The following IL1RAP variants were observed in gnomAD, a reference collection of about 807,000 sequenced individuals.
IL1RAP encodes the protein interleukin 1 receptor accessory protein, also known as interleukin-1 receptor accessory protein.
A neutral mutation model predicts 60.7 loss-of-function variants in IL1RAP; 35 were observed. That is an observed-to-expected ratio of 0.58 (90% confidence interval 0.44 to 0.76). The LOEUF is 0.76. Ranked by LOEUF, IL1RAP falls within the 30% of genes least tolerant of loss-of-function variation. The probability of loss-of-function intolerance (pLI) is 0.00; values close to 1 mark genes in which losing one functional copy is unlikely to be tolerated. For missense variants in IL1RAP, 572 were observed against 693.9 expected, an observed-to-expected ratio of 0.82 and a Z score of 1.97; for synonymous variants, 268 against 250.9, an observed-to-expected ratio of 1.07 and a Z score of -0.64.
intron 1 of IL1RAP, chr3:190,518,082 T>C (rs75088225): frequency 8.6e-6 from 1 of 115,858 alleles, no homozygotes; most frequent in Admixed American, 8.2e-5. Flanking sequence ...ATTTGCTGCC[T>C]TTTTTTTTTT....
At chr3:190,576,536 C>A (rs559879872) in intron 3 of IL1RAP, among the ~76,000 whole-genome samples, 123 of 152,144 alleles carry the variant, frequency 8.1e-4, no homozygotes, top group African/African-American at 2.7e-3. Context: ...AACCAACATG[C>A]GATGCCATTT....
In IL1RAP at chr3:190,577,184, C is replaced by CTA. The variant is rs199890265; in HGVS notation, c.64+12841_64+12842dup. The stretch of plus-strand genomic sequence containing the variant: ...TATTCATGATAAAGGGAGCTTAAAT[C>CTA]TATATATATATGTGTATATCAATAC... On this transcript the variant is annotated intron_variant, in intron 3 of 11. Coordinates refer to ENST00000447382, the MANE Select transcript of IL1RAP (RefSeq NM_002182.4). Among the ~76,000 whole-genome samples the CTA allele has an allele frequency of 9.1e-3, 1,367 of 150,182 alleles. 50 individuals are homozygous for CTA. Among genetic ancestry groups the CTA allele is most frequent in the Admixed American group, 0.066 (1,002 of 15,136 alleles).
chr3:190,605,336 A>G (rs1177954383), intron 4 of IL1RAP, among the ~76,000 whole-genome samples: 1 of 151,996 alleles, frequency 6.6e-6, no homozygotes, highest in East Asian at 1.9e-4. Flanking sequence ...TTTTGGGGAA[A>G]AAAACAAAAA....
chr3:190,517,886 T>C (rs1413552478), intron 1 of IL1RAP: 1 of 152,154 alleles, frequency 6.6e-6, no homozygotes, highest in Non-Finnish European at 1.5e-5. Context: ...TAGGATCTGG[T>C]GAGTCACTGT....
chr3:190,614,885 G>T (rs1731127939), intron 5 of IL1RAP, among the ~76,000 whole-genome samples: 1 of 152,112 alleles, frequency 6.6e-6, no homozygotes, highest in Admixed American at 6.5e-5. Context: ...ATACTGGGGT[G>T]TGGACTGGAC....
chr3:190,584,646 C>T (rs1433506456), intron 3 of IL1RAP, among the ~76,000 whole-genome samples: 1 of 152,170 alleles, frequency 6.6e-6, no homozygotes, highest in African/African-American at 2.4e-5. Flanking sequence ...ATATGTATAT[C>T]TCCTTTGGTG....
rs538598646 is a variant in IL1RAP, at chr3:190,633,288, A to G, written c.1051+3790A>G. On this transcript the variant is annotated intron_variant, in intron 9 of 11. Coordinates refer to ENST00000447382, the MANE Select transcript of IL1RAP (RefSeq NM_002182.4). Reference sequence around the variant, plus strand: ...CATTTTTTCTTTTAGATTTGAGTGTACAGGCCTTGCATATATATTGTTAAA... The same window carrying G: ...CATTTTTTCTTTTAGATTTGAGTGTGCAGGCCTTGCATATATATTGTTAAA... Among the ~76,000 whole-genome samples, 15 of 152,286 alleles carry G rather than the reference A, an allele frequency of 9.8e-5. No individual in the cohort carries two copies. The East Asian group carries it at 2.5e-3, about 25-fold the overall frequency.
In IL1RAP at chr3:190,521,224, A is replaced by T. The variant is rs1453862460; in HGVS notation, c.-89+7005A>T. 2.6e-5 allele frequency among the ~76,000 whole-genome samples: 4 copies of T among 152,324 alleles called. 1 individual carries two copies. In the East Asian group the frequency reaches 7.7e-4, roughly 29 times the overall value. On this transcript the variant is annotated intron_variant, in intron 1 of 11. Coordinates refer to ENST00000447382, the MANE Select transcript of IL1RAP (RefSeq NM_002182.4). ...AAGAAAGATCCAGGTTGAAATAATA[A>T]CAGCTTTTTTTTAATATAGAACTTT...
chr3:190,571,506 A>G (rs909879847), intron 3 of IL1RAP, among the ~76,000 whole-genome samples: 6 of 151,994 alleles, frequency 3.9e-5, no homozygotes, highest in African/African-American at 9.7e-5. Context: ...ACAGAACAAG[A>G]CCCTGTCTCT....
chr3:190,639,060 T>C (rs1733451263), intron 9 of IL1RAP, among the ~76,000 whole-genome samples: 1 of 152,200 alleles, frequency 6.6e-6, no homozygotes, highest in African/African-American at 2.4e-5. Context: ...ACCTTTTCTT[T>C]ATTGATTTTG....
At chr3:190,572,489 A>AAG (rs1318302373) in intron 3 of IL1RAP, among the ~76,000 whole-genome samples, 1 of 151,968 alleles carries the variant, frequency 6.6e-6, no homozygotes, top group Non-Finnish European at 1.5e-5. Context: ...TAGTAGGAAA[A>AAG]AGAGAGAGAG....
At chr3:190,563,740 A>G (rs1726112056) in intron 2 of IL1RAP, among the ~76,000 whole-genome samples, 1 of 152,214 alleles carries the variant, frequency 6.6e-6, no homozygotes, top group Non-Finnish European at 1.5e-5. Flanking sequence ...CAGGATTTCT[A>G]GACTTTCTAT....
intron 1 of IL1RAP, among the ~76,000 whole-genome samples, chr3:190,549,699 G>C (rs1439516687): frequency 6.7e-6 from 1 of 149,964 alleles, no homozygotes; most frequent in Non-Finnish European, 1.5e-5. Context: ...CTTCTGGGTT[G>C]CCTTCTCCCG....
At chr3:190,631,870 G>A (rs139700019) in intron 9 of IL1RAP, among the ~76,000 whole-genome samples, 2,049 of 151,724 alleles carry the variant, frequency 0.014, 41 homozygotes, top group Middle Eastern at 0.041. Flanking sequence ...GCATGATCTC[G>A]GCTCACTGCA....
At chr3:190,578,288 A>G (rs934483996) in intron 3 of IL1RAP, among the ~76,000 whole-genome samples, 1 of 152,218 alleles carries the variant, frequency 6.6e-6, no homozygotes, top group African/African-American at 2.4e-5. Flanking sequence ...TTTTAGAAGT[A>G]AGAAAGTATA....
At chr3:190,593,525 T>G (rs910208969) in intron 3 of IL1RAP, among the ~76,000 whole-genome samples, 7 of 152,234 alleles carry the variant, frequency 4.6e-5, no homozygotes, top group Admixed American at 2.0e-4. Context: ...GAAAGAGGTT[T>G]AGTTGACTCC....
Position 190,650,682 on chromosome 3 carries a change from G to GA in IL1RAP, c.*1981dup. On this transcript the variant is annotated 3_prime_UTR_variant, in exon 12 of 12. Transcript: ENST00000447382. ...AAGTTTCACTTGGATGAAAAAAGTA[G>GA]AAAAGTAGGTCATTCTTGGATCTAC... 1.0e-6 allele frequency: 1 copy of GA among 958,312 alleles called. No individual in the cohort carries two copies. Among genetic ancestry groups the GA allele is most frequent in the African/African-American group, 1.8e-5 (1 of 56,724 alleles). 59.4% of individuals were successfully genotyped at this position (958,312 alleles called of 1,614,324 possible).
intron 5 of IL1RAP, among the ~76,000 whole-genome samples, chr3:190,613,464 TAAG>T (rs1730996458): frequency 6.6e-6 from 1 of 152,098 alleles, no homozygotes; most frequent in Non-Finnish European, 1.5e-5. Flanking sequence ...TTGAAGCACT[TAAG>T]AAGACTAAAT....
At chr3:190,548,654 A>C (rs1272468849) in intron 1 of IL1RAP, among the ~76,000 whole-genome samples, 1 of 152,354 alleles carries the variant, frequency 6.6e-6, no homozygotes, top group Non-Finnish European at 1.5e-5. Context: ...TCAGGGCAGA[A>C]GTTTCTCAGG....
Sources: allele counts gnomAD v4.1 joint callset (sites outside exome capture counted in the v4.1 genomes callset), GRCh38; gene constraint gnomAD v4.1.1; transcripts MANE v1.5; gene names NCBI Gene and HGNC (gene_info 2026-07-23, HGNC 2026-07-21).